Variants in BCL2L11 observed in about 807,000 individuals in gnomAD.
The protein encoded by BCL2L11 is bcl-2-like protein 11.
A neutral mutation model predicts 20.6 loss-of-function variants in BCL2L11; 15 were observed. The ratio of observed to expected loss-of-function variants is 0.73; its 90% CI spans 0.49 to 1.12. The LOEUF (loss-of-function observed/expected upper bound fraction) is 1.12. Among genes scored for constraint, BCL2L11 ranks in the 50% most tolerant of loss-of-function variants. BCL2L11 has a pLI of 0.00. For missense variants in BCL2L11, 292 were observed against 260.9 expected (o/e 1.12, Z -0.82); for synonymous variants, 108 against 92.8 (o/e 1.16, Z -0.94).
chr2:111,128,194 T>C (rs1048480431), intron 2 of BCL2L11, among the ~76,000 whole-genome samples: 1 of 152,172 alleles, frequency 6.6e-6, no homozygotes, highest in African/African-American at 2.4e-5. Context: ...ATTTATATAG[T>C]ATTTGCTCTT....
chr2:111,157,747 T>C (rs572385289), intron 3 of BCL2L11, among the ~76,000 whole-genome samples: 45 of 152,354 alleles, frequency 3.0e-4, no homozygotes, highest in African/African-American at 1.0e-3. Flanking sequence ...ATAATTTCTT[T>C]GAAATAGTGT....
chr2:111,132,126 T>G (rs1310417555), intron 2 of BCL2L11: 3 of 152,198 alleles, frequency 2.0e-5, no homozygotes, highest in Non-Finnish European at 2.9e-5. Context: ...GTGTGCTTCA[T>G]TTTGTATAGC....
intron 2 of BCL2L11, among the ~76,000 whole-genome samples, chr2:111,125,749 C>T (rs780830355): frequency 1.2e-4 from 19 of 152,128 alleles, no homozygotes; most frequent in Non-Finnish European, 2.5e-4. Flanking sequence ...GCTGGCTGCA[C>T]GTCTCTTGCC....
At chr2:111,122,560 GAACGCGGGCACCCGGCGCCAGC>G in intron 1 of BCL2L11, 4 of 970,558 alleles carry the variant, frequency 4.1e-6, no homozygotes, top group Non-Finnish European at 4.9e-6. Flanking sequence ...GACCAATTGG[GAACGCGGGCACCCGGCGCCAGC>G]GGCGCGGGGA....
chr2:111,128,278 C>T (rs1270830711), intron 2 of BCL2L11, among the ~76,000 whole-genome samples: 1 of 152,122 alleles, frequency 6.6e-6, no homozygotes, highest in Non-Finnish European at 1.5e-5. Context: ...GAATTTCCTT[C>T]CTTTTTAAGG....
At chr2:111,158,134 G>C (rs1240414648) in intron 3 of BCL2L11, among the ~76,000 whole-genome samples, 1 of 152,248 alleles carries the variant, frequency 6.6e-6, no homozygotes, top group Non-Finnish European at 1.5e-5. Context: ...TTGTTGGTCT[G>C]AAAGTGGAGA....
chr2:111,131,331 T>C (rs2073917909), intron 2 of BCL2L11: 1 of 152,054 alleles, frequency 6.6e-6, no homozygotes, highest in Non-Finnish European at 1.5e-5. Context: ...CAGTTGAGTT[T>C]TGATAGTTTG....
In BCL2L11 at chr2:111,145,926, T is replaced by C. The variant is rs908275952; in HGVS notation, c.395-4118T>C. ...AGTTTTGATTAGTGGCTTTCTTTTTTTTTTTTTTTTTTTTGTAACAAGTAA... is the reference window on the plus strand; with the variant it reads ...AGTTTTGATTAGTGGCTTTCTTTTTCTTTTTTTTTTTTTTGTAACAAGTAA... On this transcript the variant is annotated intron_variant, in intron 2 of 3. Transcript: ENST00000393256. 171 of 798,928 alleles carry C rather than the reference T, an allele frequency of 2.1e-4. No homozygotes were observed. The African/African-American group carries it at 2.4e-3, about 11-fold the overall frequency. 49.5% of individuals were successfully genotyped at this position (798,928 alleles called of 1,614,324 possible).
intron 2 of BCL2L11, among the ~76,000 whole-genome samples, chr2:111,137,787 G>A (rs2075163310): frequency 6.6e-6 from 1 of 151,984 alleles, no homozygotes; most frequent in Non-Finnish European, 1.5e-5. Context: ...GCAGACTGGT[G>A]CTGTCTTCAT....
intron 2 of BCL2L11, among the ~76,000 whole-genome samples, chr2:111,149,704 A>G (rs930845670): frequency 6.6e-6 from 1 of 152,256 alleles, no homozygotes; most frequent in Non-Finnish European, 1.5e-5. Context: ...ATTATGTTTC[A>G]AGCATATTTC....
chr2:111,134,453 C>T (rs1158151188), intron 2 of BCL2L11, among the ~76,000 whole-genome samples: 1 of 152,140 alleles, frequency 6.6e-6, no homozygotes, highest in African/African-American at 2.4e-5. Flanking sequence ...TTTCTTTAGG[C>T]TCCGTTAGCC....
chr2:111,143,613 G>T (rs1168794840), intron 2 of BCL2L11, among the ~76,000 whole-genome samples: 1 of 152,178 alleles, frequency 6.6e-6, no homozygotes, highest in African/African-American at 2.4e-5. Context: ...ATGTGCATCT[G>T]TCCCAGGAAG....
At chr2:111,156,060 GT>G (rs2077805398) in intron 3 of BCL2L11, among the ~76,000 whole-genome samples, 1 of 152,202 alleles carries the variant, frequency 6.6e-6, no homozygotes. Context: ...TCTCATTCTT[GT>G]TTTTATAAAT....
intron 2 of BCL2L11, chr2:111,131,234 G>A (rs1174332912): frequency 1.5e-5 from 2 of 136,440 alleles, no homozygotes; most frequent in Non-Finnish European, 3.2e-5. Context: ...GGCGGGGGTG[G>A]GGGGGATGGG....
At chr2:111,134,847 C>G (rs868082294) in intron 2 of BCL2L11, among the ~76,000 whole-genome samples, 3 of 152,288 alleles carry the variant, frequency 2.0e-5, no homozygotes, top group Middle Eastern at 3.4e-3. Flanking sequence ...CTTAGGGCCT[C>G]TATGGTTTTA....
intron 2 of BCL2L11, chr2:111,131,430 T>C (rs971031380): frequency 6.6e-6 from 1 of 152,160 alleles, no homozygotes; most frequent in Non-Finnish European, 1.5e-5. Flanking sequence ...TTTTAATGGA[T>C]GCAGGATCTG....
intron 2 of BCL2L11, chr2:111,144,562 TC>T: frequency 6.5e-7 from 1 of 1,537,922 alleles, no homozygotes; most frequent in Non-Finnish European, 8.8e-7. Context: ...GTCTGTTGCT[TC>T]CCTCCTCTTG....
rs113737703 is a variant in BCL2L11 at position 111,153,256 on chromosome 2, G to A, written c.498+3109G>A. On this transcript the variant is annotated intron_variant, in intron 3 of 3. Transcript: ENST00000393256. Reference sequence around the variant, plus strand: ...TAGCTGGGTGTGGTGGTGGGTGCCTGTAATCCCAGCTACTCGGGAGGCTGA... The same window carrying A: ...TAGCTGGGTGTGGTGGTGGGTGCCTATAATCCCAGCTACTCGGGAGGCTGA... Among the ~76,000 whole-genome samples the A allele has an allele frequency of 3.9e-3, 587 of 152,196 alleles. 3 individuals carry two copies. Among genetic ancestry groups the A allele is most frequent in the African/African-American group, 0.014 (561 of 41,516 alleles).
chr2:111,132,745 C>T (rs1272555775), intron 2 of BCL2L11, among the ~76,000 whole-genome samples: 1 of 152,186 alleles, frequency 6.6e-6, no homozygotes, highest in African/African-American at 2.4e-5. Context: ...CCATTCTCCT[C>T]GAGGTCCCAA....
Sources: allele counts gnomAD v4.1 joint callset (sites outside exome capture counted in the v4.1 genomes callset), GRCh38; gene constraint gnomAD v4.1.1; transcripts MANE v1.5; gene names NCBI Gene and HGNC (gene_info 2026-07-23, HGNC 2026-07-21).